The following CTNNA2 variants were observed in gnomAD, a reference collection of about 807,000 sequenced individuals.
CTNNA2 encodes the protein catenin alpha 2.
Under a neutral mutation model 101.0 loss-of-function variants are expected in CTNNA2, and 42 were observed. That is an observed-to-expected ratio of 0.42 (90% confidence interval 0.32 to 0.54). The LOEUF (loss-of-function observed/expected upper bound fraction) is 0.54, where lower values mean the gene tolerates loss of function less well. Ranked by LOEUF, CTNNA2 falls within the 20% of genes least tolerant of loss-of-function variation. CTNNA2 has a pLI of 0.14. For synonymous variants in CTNNA2, 450 were observed against 456.4 expected (o/e 0.99, Z 0.18); for missense variants, 871 against 1,223.1 (o/e 0.71, Z 4.29).
At chr2:79,226,933 C>G (rs1234173114) in intron 2 of CTNNA2, among the ~76,000 whole-genome samples, 1 of 151,936 alleles carries the variant, frequency 6.6e-6, no homozygotes, top group Non-Finnish European at 1.5e-5. Context: ...TTAGTAGTTG[C>G]AAAACCATTC....
chr2:79,944,821 A>C (rs975615272), intron 7 of CTNNA2, among the ~76,000 whole-genome samples: 3 of 152,202 alleles, frequency 2.0e-5, no homozygotes, highest in Non-Finnish European at 4.4e-5. Context: ...TCCTCCATAC[A>C]CAATGACAGC....
At chr2:79,378,385 ATGTAT>A (rs1678002386) in intron 4 of CTNNA2, among the ~76,000 whole-genome samples, 1 of 152,170 alleles carries the variant, frequency 6.6e-6, no homozygotes. Flanking sequence ...ATAAATATAC[ATGTAT>A]TGTAGGGTAT....
chr2:79,420,331 G>A (rs908538747), intron 4 of CTNNA2, among the ~76,000 whole-genome samples: 3 of 152,028 alleles, frequency 2.0e-5, no homozygotes, highest in African/African-American at 4.8e-5. Flanking sequence ...ACCTGAGATC[G>A]GTTGGTCAAT....
In CTNNA2 at chr2:79,345,035, G is replaced by A. The variant is rs184830548; in HGVS notation, c.-317-28796G>A. Among the ~76,000 whole-genome samples, 341 of 150,034 alleles carry A rather than the reference G, an allele frequency of 2.3e-3. 1 individual carries two copies. The highest frequency in any genetic ancestry group is 3.8e-3 in the Non-Finnish European group (255 of 67,618). ...TCTGTATTTGAGTGTATGTATTCCC[G>A]TAACTTATGCACTTTATTTATATGG... is the stretch of plus-strand genomic sequence containing the variant. On this transcript the variant is annotated intron_variant, in intron 3 of 21. Transcript: ENST00000466387.
Position 79,786,962 on chromosome 2 carries a change from C to T in CTNNA2, c.298+42380C>T, listed in dbSNP as rs919273271. The stretch of plus-strand genomic sequence containing the variant: ...TTGAATGATCCATCAGATCCAATCC[C>T]TGCCTTGGCATTATCTCCCCTATTA... On this transcript the variant is annotated intron_variant, in intron 3 of 18. Transcript: ENST00000402739. 1.7e-4 allele frequency among the ~76,000 whole-genome samples: 26 copies of T among 152,092 alleles called. 1 individual carries two copies. Among genetic ancestry groups the T allele is most frequent in the African/African-American group, 6.0e-4 (25 of 41,416 alleles).
At chr2:79,287,244 T>C (rs1000970542) in intron 2 of CTNNA2, among the ~76,000 whole-genome samples, 131 of 152,246 alleles carry the variant, frequency 8.6e-4, no homozygotes, top group Non-Finnish European at 1.6e-3. Flanking sequence ...TGAAGCCTTC[T>C]TCTCTCAGCT....
intron 1 of CTNNA2, among the ~76,000 whole-genome samples, chr2:79,625,084 T>C (rs920335911): frequency 2.0e-5 from 3 of 151,930 alleles, no homozygotes; most frequent in Non-Finnish European, 4.4e-5. Flanking sequence ...AGTGTGCAAA[T>C]TGATGTATTT....
chr2:80,353,070 G>A lies in CTNNA2; in HGVS notation c.1057-40141G>A, dbSNP rs1465155805. On this transcript the variant is annotated intron_variant, in intron 7 of 18. Transcript: ENST00000402739. ...TTAGATGTGACTATGTCTTCCCCAA[G>A]AAACCTAGTTCATCTTGTTCCACCA... 3.9e-5 allele frequency among the ~76,000 whole-genome samples: 6 copies of A among 152,086 alleles called. No individual in the cohort carries two copies. In the East Asian group the frequency reaches 1.2e-3, roughly 29 times the overall value.
chr2:80,540,088 A>G (rs1691415869), intron 9 of CTNNA2, among the ~76,000 whole-genome samples: 1 of 152,088 alleles, frequency 6.6e-6, no homozygotes, highest in African/African-American at 2.4e-5. Flanking sequence ...TTGATGATAT[A>G]TTGTCTGCTT....
At chr2:80,064,878 G>C (rs1697864597) in intron 7 of CTNNA2, among the ~76,000 whole-genome samples, 1 of 152,204 alleles carries the variant, frequency 6.6e-6, no homozygotes, top group African/African-American at 2.4e-5. Flanking sequence ...GTCACATTGA[G>C]AGGAATAGCA....
intron 9 of CTNNA2, among the ~76,000 whole-genome samples, chr2:80,470,158 T>C (rs1479402141): frequency 6.6e-6 from 1 of 152,138 alleles, no homozygotes; most frequent in Non-Finnish European, 1.5e-5. Flanking sequence ...CCCTGACAAA[T>C]AGTCTAGATC....
chr2:80,109,309 A>C (rs1056450388), intron 7 of CTNNA2, among the ~76,000 whole-genome samples: 8 of 151,748 alleles, frequency 5.3e-5, no homozygotes, highest in African/African-American at 1.9e-4. Flanking sequence ...AATACAAAAA[A>C]CATTAGCCAG....
chr2:80,446,014 A>G (rs1162551677), intron 9 of CTNNA2, among the ~76,000 whole-genome samples: 1 of 152,166 alleles, frequency 6.6e-6, no homozygotes, highest in Non-Finnish European at 1.5e-5. Context: ...GGCATTATGT[A>G]TGACTGGATA....
upstream of CTNNA2, among the ~76,000 whole-genome samples, chr2:79,512,616 C>G (rs1051162533): frequency 4.0e-5 from 6 of 151,660 alleles, no homozygotes; most frequent in African/African-American, 1.5e-4. Flanking sequence ...CTCCCCGGGC[C>G]TCGCGACTCC....
At chr2:79,238,308 A>ACATGGCTGTGATT (rs1347744280) in intron 2 of CTNNA2, among the ~76,000 whole-genome samples, 2 of 152,238 alleles carry the variant, frequency 1.3e-5, no homozygotes, top group Admixed American at 6.5e-5. Context: ...TCACCATCTT[A>ACATGGCTGTGATT]CATGGCTGTG....
At chr2:80,055,970 AGATT>A (rs1297494781) in intron 7 of CTNNA2, among the ~76,000 whole-genome samples, 1 of 152,154 alleles carries the variant, frequency 6.6e-6, no homozygotes, top group African/African-American at 2.4e-5. Flanking sequence ...TTTAGTACAG[AGATT>A]GTGTTTAGCT....
At chr2:79,945,486 A>G (rs1688433397) in intron 7 of CTNNA2, among the ~76,000 whole-genome samples, 1 of 152,162 alleles carries the variant, frequency 6.6e-6, no homozygotes, top group Non-Finnish European at 1.5e-5. Context: ...AAATATTTCC[A>G]TTATTTTTCT....
intron 3 of CTNNA2, among the ~76,000 whole-genome samples, chr2:79,329,489 AG>A (rs1332657008): frequency 6.6e-6 from 1 of 152,136 alleles, no homozygotes; most frequent in Non-Finnish European, 1.5e-5. Flanking sequence ...GCCTGGACAT[AG>A]GCCACATTTA....
At chr2:79,974,218 A>G (rs1690683244) in intron 7 of CTNNA2, among the ~76,000 whole-genome samples, 1 of 152,138 alleles carries the variant, frequency 6.6e-6, no homozygotes, top group South Asian at 2.1e-4. Context: ...AATCTGTAAA[A>G]TGGGGATAAT....
Sources: gnomAD v4.1 joint callset for allele counts (sites outside exome capture counted in the v4.1 genomes callset) on GRCh38, gnomAD v4.1.1 for gene constraint, MANE v1.5 for transcripts, NCBI Gene and HGNC (gene_info 2026-07-23, HGNC 2026-07-21) for gene names.